ADAM19: variants seen among roughly 807,000 people sequenced by gnomAD.
ADAM19 encodes the protein ADAM metallopeptidase domain 19, also known as disintegrin and metalloproteinase domain-containing protein 19.
In ADAM19, 65 loss-of-function variants were observed where a neutral mutation model predicts 114.7. The observed-to-expected ratio is 0.57, with a 90% CI of 0.46 to 0.70. The LOEUF (loss-of-function observed/expected upper bound fraction) is 0.70, where lower values mean the gene tolerates loss of function less well. ADAM19 is among the 30% of genes least tolerant of loss of function. The pLI, the probability that ADAM19 is intolerant of heterozygous loss-of-function variation, is 0.00. For missense variants in ADAM19, 1,063 were observed against 1,204.7 expected (o/e 0.88, Z 1.74); for synonymous variants, 466 against 460.5 (o/e 1.01, Z -0.15).
intron 3 of ADAM19, among the ~76,000 whole-genome samples, chr5:157,548,195 A>G (rs1302541261): frequency 2.6e-5 from 4 of 152,086 alleles, no homozygotes; most frequent in South Asian, 2.1e-4. Flanking sequence ...CGTGCCCCCA[A>G]TCCAGAGGAA....
chr5:157,537,921 T>C lies in ADAM19; in HGVS notation c.322A>G (p.Lys108Glu). 2 of 1,613,926 alleles carry C rather than the reference T, an allele frequency of 1.2e-6. No homozygotes were observed. Among genetic ancestry groups the C allele is most frequent in the Non-Finnish European group, 1.7e-6 (2 of 1,179,854 alleles). Residue 108 changes from lysine to glutamate, a missense_variant, in exon 4 of 23, where the codon AAA becomes GAA. By Grantham distance (56) the Lys-to-Glu change is moderately conservative. This residue lies in a region of ADAM19 where 615 missense variants were observed against 706.3 expected (regional missense o/e 0.87). Coordinates refer to ENST00000257527, the MANE Select transcript of ADAM19 (RefSeq NM_033274.5). The part of the protein sequence containing the change: ...SSGNPQTTTR[K>E]LEDHCFYHGT... Reference sequence around the variant, plus strand: ...TGTTGACCTGAACTCACCTCCAATTTCCGTGTGGTGGTTTGAGGGTTACCA... The same window carrying C: ...TGTTGACCTGAACTCACCTCCAATTCCCGTGTGGTGGTTTGAGGGTTACCA...
At chr5:157,560,515 T>G (rs1757483694) in intron 3 of ADAM19, among the ~76,000 whole-genome samples, 1 of 152,210 alleles carries the variant, frequency 6.6e-6, no homozygotes, top group African/African-American at 2.4e-5. Context: ...TACATGTGTG[T>G]ATAAATATTA....
chr5:157,523,461 G>C (rs1458228842), intron 5 of ADAM19, among the ~76,000 whole-genome samples: 1 of 152,138 alleles, frequency 6.6e-6, no homozygotes, highest in Non-Finnish European at 1.5e-5. Flanking sequence ...TGGTGGTAAT[G>C]AGAGAGTTTT....
chr5:157,541,608 A>G (rs1756919980), intron 3 of ADAM19, among the ~76,000 whole-genome samples: 1 of 152,178 alleles, frequency 6.6e-6, no homozygotes, highest in Non-Finnish European at 1.5e-5. Flanking sequence ...GACATAAAAC[A>G]TTAGGTCACT....
chr5:157,496,113 G>C (rs1755357800), intron 14 of ADAM19, among the ~76,000 whole-genome samples: 1 of 151,710 alleles, frequency 6.6e-6, no homozygotes, highest in Non-Finnish European at 1.5e-5. Flanking sequence ...CACCTGAGTA[G>C]CTAGGATTAC....
chr5:157,537,902 C>A lies in ADAM19; in HGVS notation c.330+11G>T, dbSNP rs762803535. The A allele has an allele frequency of 3.7e-6, 6 of 1,611,402 alleles. No homozygotes were observed. In the South Asian group the frequency reaches 6.6e-5, roughly 18 times the overall value. On this transcript the variant is annotated intron_variant, in intron 4 of 22. Transcript: ENST00000257527. ...CAGCTGCTGGATAGACATTTGTTGA[C>A]CTGAACTCACCTCCAATTTCCGTGT...
chr5:157,571,601 C>A (rs1757829646), intron 1 of ADAM19, among the ~76,000 whole-genome samples: 1 of 152,042 alleles, frequency 6.6e-6, no homozygotes. Context: ...AAATACAGAG[C>A]AATATGATCT....
At chr5:157,524,263 A>T (rs1005080036) in intron 5 of ADAM19, among the ~76,000 whole-genome samples, 2 of 152,240 alleles carry the variant, frequency 1.3e-5, no homozygotes, top group Admixed American at 1.3e-4. Context: ...CAAAGGCAGA[A>T]CTCAGCCAGA....
At chr5:157,485,518 C>T (rs900982084) in intron 21 of ADAM19, among the ~76,000 whole-genome samples, 1 of 152,222 alleles carries the variant, frequency 6.6e-6, no homozygotes, top group African/African-American at 2.4e-5. Flanking sequence ...AAAATTGCAT[C>T]ATGTCACCAC....
intron 8 of ADAM19, among the ~76,000 whole-genome samples, chr5:157,511,674 AAC>A (rs1328605186): frequency 2.0e-5 from 3 of 152,192 alleles, no homozygotes; most frequent in African/African-American, 7.2e-5. Context: ...GTTACAGAAA[AAC>A]ATTTTGGATT....
intron 3 of ADAM19, among the ~76,000 whole-genome samples, chr5:157,551,179 C>T (rs565833346): frequency 2.6e-4 from 40 of 151,848 alleles, no homozygotes; most frequent in African/African-American, 8.0e-4. Flanking sequence ...CCGAGGCAGG[C>T]GAATCACCTG....
intron 19 of ADAM19, among the ~76,000 whole-genome samples, chr5:157,490,097 C>T (rs965588352): frequency 6.6e-6 from 1 of 152,168 alleles, no homozygotes; most frequent in African/African-American, 2.4e-5. Context: ...CTGAGAAGAA[C>T]TCAGGAGTGA....
chr5:157,506,942 C>T, intron 10 of ADAM19, 114 bp downstream of exon 10: 3 of 961,614 alleles, frequency 3.1e-6, no homozygotes, highest in South Asian at 1.5e-5. Flanking sequence ...TTCCTGATGT[C>T]AAAGCTTTTT....
At chr5:157,511,686 T>C (rs1393170612) in intron 8 of ADAM19, among the ~76,000 whole-genome samples, 1 of 152,214 alleles carries the variant, frequency 6.6e-6, no homozygotes, top group South Asian at 2.1e-4. Context: ...CATTTTGGAT[T>C]GGGTTCATGA....
At chr5:157,541,245 C>T (rs182359484) in intron 3 of ADAM19, among the ~76,000 whole-genome samples, 4 of 152,308 alleles carry the variant, frequency 2.6e-5, no homozygotes, top group African/African-American at 7.2e-5. Flanking sequence ...GGCAGGAAGC[C>T]GTCTCTCACC....
chr5:157,515,707 A>G (rs1362140863), intron 7 of ADAM19, among the ~76,000 whole-genome samples: 1 of 152,214 alleles, frequency 6.6e-6, no homozygotes, highest in Non-Finnish European at 1.5e-5. Context: ...AGGGTGACAC[A>G]GTGAGTACCA....
intron 5 of ADAM19, among the ~76,000 whole-genome samples, chr5:157,527,483 T>A (rs1332902769): frequency 6.6e-6 from 1 of 152,188 alleles, no homozygotes; most frequent in Non-Finnish European, 1.5e-5. Context: ...GTGCTGGGAT[T>A]ACAGGCGTAA....
At chr5:157,481,249 A>G (rs1754736849) in intron 22 of ADAM19, 1 of 599,934 alleles carries the variant, frequency 1.7e-6, no homozygotes, top group Admixed American at 3.0e-5. Flanking sequence ...CTAAGGCAGC[A>G]GCACAGTCCA....
chr5:157,514,048 A>AT (rs1756015851), intron 7 of ADAM19, among the ~76,000 whole-genome samples: 1 of 152,384 alleles, frequency 6.6e-6, no homozygotes, highest in South Asian at 2.1e-4. Flanking sequence ...AGCTTCAATT[A>AT]AAACAGAGAG....
Sources: allele counts gnomAD v4.1 joint callset (sites outside exome capture counted in the v4.1 genomes callset), GRCh38; gene constraint gnomAD v4.1.1; regional missense constraint gnomAD v4.1.1; transcripts MANE v1.5; gene names NCBI Gene and HGNC (gene_info 2026-07-23, HGNC 2026-07-21).